The following DUS4L variants were observed in gnomAD, a reference collection of about 807,000 sequenced individuals.
The protein encoded by DUS4L is tRNA-dihydrouridine(20a/20b) synthase [NAD(P)+]-like.
In DUS4L, 31 loss-of-function variants were observed where a neutral mutation model predicts 33.8. The observed-to-expected ratio is 0.92, with a 90% CI of 0.69 to 1.24. DUS4L has a LOEUF of 1.24. Among genes scored for constraint, DUS4L ranks in the 50% most tolerant of loss-of-function variants. The pLI is 0.00. For synonymous variants in DUS4L, 103 were observed against 120.3 expected, an observed-to-expected ratio of 0.86 and a Z score of 0.94; for missense variants, 368 against 388.6, an observed-to-expected ratio of 0.95 and a Z score of 0.45.
At chr7:107,568,926 A>G (rs1584988151) in intron 3 of DUS4L, among the ~76,000 whole-genome samples, 1 of 152,398 alleles carries the variant, frequency 6.6e-6, no homozygotes. Flanking sequence ...AGCCAGGCAC[A>G]GTGGCTCACG....
chr7:107,573,926 G>C, intron 5 of DUS4L, 105 bp downstream of exon 5: 1 of 1,356,370 alleles, frequency 7.4e-7, no homozygotes, highest in South Asian at 2.1e-5. Context: ...AAAGAAAATA[G>C]AGTTACAGTC....
chr7:107,572,208 C>T (rs898390460), intron 4 of DUS4L, among the ~76,000 whole-genome samples: 1 of 152,012 alleles, frequency 6.6e-6, no homozygotes, highest in African/African-American at 2.4e-5. Context: ...GCATCTAGTA[C>T]AGTGTTGGAA....
Position 107,571,269 on chromosome 7 carries a change from A to T in DUS4L, c.238+3A>T, listed in dbSNP as rs1281132584. 1 of 1,607,338 alleles carries T rather than the reference A, an allele frequency of 6.2e-7. No homozygotes were observed. The highest frequency in any genetic ancestry group is 1.1e-5 in the South Asian group (1 of 89,316). ...CAGCGAATTTACCACAAATCAAGGT[A>T]TGTGAAACCGAGTGTACTGACTTTG... On this transcript the variant is annotated splice_donor_region_variant and intron_variant, in intron 4 of 7. Transcript: ENST00000265720.
intron 4 of DUS4L, among the ~76,000 whole-genome samples, chr7:107,573,389 A>C (rs1407869475): frequency 1.3e-5 from 2 of 152,212 alleles, no homozygotes; most frequent in Non-Finnish European, 2.9e-5. Context: ...ACTTGTTTAA[A>C]TTTTACAGGT....
At chr7:107,570,568 A>G (rs1194014997) in intron 3 of DUS4L, 1 of 153,064 alleles carries the variant, frequency 6.5e-6, no homozygotes, top group Non-Finnish European at 1.5e-5. Flanking sequence ...GCCACCAGAG[A>G]TGAAAGTTTC....
intron 4 of DUS4L, 136 bp downstream of exon 4, chr7:107,571,402 T>A: frequency 7.8e-7 from 1 of 1,283,338 alleles, no homozygotes; most frequent in African/African-American, 1.5e-5. Context: ...TAATAAGTAT[T>A]TTTTACATGT....
At chr7:107,572,759 G>A (rs183065143) in intron 4 of DUS4L, among the ~76,000 whole-genome samples, 1 of 151,510 alleles carries the variant, frequency 6.6e-6, no homozygotes, top group African/African-American at 2.4e-5. Flanking sequence ...CTGAGCCGGA[G>A]AATCACTTGA....
At chr7:107,566,371 T>C (rs1328763936) in intron 2 of DUS4L, among the ~76,000 whole-genome samples, 1 of 152,232 alleles carries the variant, frequency 6.6e-6, no homozygotes, top group East Asian at 1.9e-4. Context: ...TAGTAGGATT[T>C]TAAGTATAGC....
intron 5 of DUS4L, among the ~76,000 whole-genome samples, chr7:107,574,580 C>T (rs559333247): frequency 2.0e-5 from 3 of 152,090 alleles, no homozygotes; most frequent in Admixed American, 1.3e-4. Flanking sequence ...TCAGGTGATC[C>T]GCCCGCCTTG....
Position 107,571,279 on chromosome 7 carries a change from G to A in DUS4L, c.238+13G>A, listed in dbSNP as rs754541584. 113 of 1,601,906 alleles carry A rather than the reference G, an allele frequency of 7.1e-5. No homozygotes were observed. Among genetic ancestry groups the A allele is most frequent in the Middle Eastern group, 6.7e-4 (4 of 6,008 alleles). On this transcript the variant is annotated intron_variant, in intron 4 of 7. Coordinates refer to ENST00000265720, the MANE Select transcript of DUS4L (RefSeq NM_181581.3). ...ACCACAAATCAAGGTATGTGAAACC[G>A]AGTGTACTGACTTTGTAAAACTTTT... is the stretch of plus-strand genomic sequence containing the variant.
At chr7:107,570,114 C>G (rs1805071015) in intron 3 of DUS4L, 1 of 151,570 alleles carries the variant, frequency 6.6e-6, no homozygotes, top group Non-Finnish European at 1.5e-5. Context: ...TTGTCAAATG[C>G]CTTTTCTGCA....
intron 3 of DUS4L, chr7:107,567,799 T>C (rs1362762836): frequency 2.2e-6 from 1 of 451,552 alleles, no homozygotes; most frequent in South Asian, 1.6e-5. Context: ...CCCATTCCAC[T>C]GTTCCTCACA....
intron 3 of DUS4L, chr7:107,567,778 A>C (rs1027553316): frequency 2.2e-6 from 1 of 452,470 alleles, no homozygotes; most frequent in Admixed American, 2.4e-5. Context: ...TATCACATTA[A>C]ACTGTGACTC....
chr7:107,564,068 G>T lies in DUS4L; in HGVS notation c.-252G>T, dbSNP rs1370073572. The T allele has an allele frequency of 3.4e-6, 5 of 1,453,482 alleles. No homozygotes were observed. Among genetic ancestry groups the T allele is most frequent in the Non-Finnish European group, 4.7e-6 (5 of 1,072,968 alleles). 90.0% of individuals were successfully genotyped at this position (1,453,482 alleles called of 1,614,324 possible). A position where few individuals can be genotyped will look rare whatever the true frequency, so the allele number is the denominator to read the frequency against. Reference sequence around the variant, plus strand: ...GGCTAGGAGCCGCGCAGGTACTCGAGCAGTGGGCGCCCAGGGTCCGAGTGC... The same window carrying T: ...GGCTAGGAGCCGCGCAGGTACTCGATCAGTGGGCGCCCAGGGTCCGAGTGC... On this transcript the variant is annotated 5_prime_UTR_variant, in exon 1 of 8. Coordinates refer to ENST00000265720, the MANE Select transcript of DUS4L (RefSeq NM_181581.3).
intron 4 of DUS4L, 109 bp downstream of exon 4, chr7:107,571,375 T>C: frequency 7.0e-7 from 1 of 1,419,354 alleles, no homozygotes; most frequent in Non-Finnish European, 9.4e-7. Flanking sequence ...GAAGAAGCTT[T>C]AGTTCTTTAG....
Position 107,576,509 on chromosome 7 carries a change from A to G in DUS4L, c.623A>G (p.Asn208Ser). ...GATTCCATTAAAATAATTAAGGAAA[A>G]TATGTCTATACCTGTAATTGCTAAT... Reference protein sequence around the residue: ...HYDSIKIIKENMSIPVIANGD... With the variant: ...HYDSIKIIKESMSIPVIANGD... The change falls in exon 7 of 8, where the codon AAT becomes AGT. Residue 208 changes from asparagine (N) to serine (S), a missense_variant. Transcript: ENST00000265720. 1 of 1,609,630 alleles carries G rather than the reference A, an allele frequency of 6.2e-7. No homozygotes were observed.
intron 2 of DUS4L, among the ~76,000 whole-genome samples, chr7:107,565,757 T>G (rs1346601931): frequency 6.6e-6 from 1 of 152,126 alleles, no homozygotes; most frequent in Non-Finnish European, 1.5e-5. Flanking sequence ...ACTCCTGGCC[T>G]TAAGCAAGCC....
chr7:107,573,468 A>G (rs1224981547), intron 4 of DUS4L, among the ~76,000 whole-genome samples: 1 of 152,234 alleles, frequency 6.6e-6, no homozygotes, highest in Non-Finnish European at 1.5e-5. Context: ...TATTTTGTCA[A>G]AAGTATTAGA....
chr7:107,565,564 C>T (rs187841751), intron 2 of DUS4L, among the ~76,000 whole-genome samples: 48 of 152,300 alleles, frequency 3.2e-4, no homozygotes, highest in African/African-American at 1.1e-3. Flanking sequence ...AGCTCTGTTA[C>T]CCAGGCTGGA....
Sources: allele counts gnomAD v4.1 joint callset (sites outside exome capture counted in the v4.1 genomes callset), GRCh38; gene constraint gnomAD v4.1.1; transcripts MANE v1.5; gene names NCBI Gene and HGNC (gene_info 2026-07-23, HGNC 2026-07-21).